Variants in SGK1 observed in about 807,000 individuals in gnomAD.
The protein encoded by SGK1 is serum/glucocorticoid regulated kinase 1.
SGK1 carries 26 observed loss-of-function variants against 64.2 expected under a neutral mutation model. The observed-to-expected ratio is 0.40, with a 90% CI of 0.30 to 0.56. The LOEUF (loss-of-function observed/expected upper bound fraction) is 0.56. SGK1 is among the 20% of genes least tolerant of loss of function. The pLI, the probability that SGK1 is intolerant of heterozygous loss-of-function variation, is 0.38. For synonymous variants in SGK1, 265 were observed against 239.7 expected, an observed-to-expected ratio of 1.11 and a Z score of -0.98; for missense variants, 519 against 645.6, an observed-to-expected ratio of 0.80 and a Z score of 2.12.
chr6:134,206,383 A>ATTTT lies in SGK1; in HGVS notation c.361+969_361+972dup, dbSNP rs869072819. Among the ~76,000 whole-genome samples the ATTTT allele has an allele frequency of 6.8e-3, 113 of 16,526 alleles. 3 individuals are homozygous for ATTTT. Among genetic ancestry groups the ATTTT allele is most frequent in the East Asian group, 0.03 (11 of 370 alleles). The allele number at this position is 16,526 out of a possible 152,430, so 10.8% of individuals were successfully genotyped here. ...TATATATATATATATATATATATATATTTTTTTTTTTTTTTTTTTTTTTTA... is the reference window on the plus strand; with the variant it reads ...TATATATATATATATATATATATATATTTTTTTTTTTTTTTTTTTTTTTTTTTTA... On this transcript the variant is annotated intron_variant, in intron 3 of 13. Coordinates refer to ENST00000367858, the MANE Select transcript of SGK1 (RefSeq NM_001143676.3).
intron 1 of SGK1, chr6:134,298,313 G>A: frequency 1.3e-6 from 2 of 1,569,528 alleles, no homozygotes; most frequent in Non-Finnish European, 1.7e-6. Flanking sequence ...GCTGTCTTCT[G>A]CTGCTGCAGG....
At position 134,198,422 on chromosome 6, in the gene SGK1, T is replaced by A. The variant is rs184269143; in HGVS notation, c.361+8934A>T. ...TCTCTTTTGTTAGATAATGCCATAC[T>A]TCGGCAGACAAGCAATTGTTTTCTA... On this transcript the variant is annotated intron_variant, in intron 3 of 13. Coordinates refer to ENST00000367858, the MANE Select transcript of SGK1 (RefSeq NM_001143676.3). Among the ~76,000 whole-genome samples, 100 of 152,336 alleles carry A rather than the reference T, an allele frequency of 6.6e-4. No homozygotes were observed. The Middle Eastern group carries it at 0.01, about 16-fold the overall frequency.
chr6:134,208,951 G>A (rs1286314782), intron 2 of SGK1, among the ~76,000 whole-genome samples: 1 of 149,672 alleles, frequency 6.7e-6, no homozygotes, highest in East Asian at 2.0e-4. Context: ...TTTTCCTCTC[G>A]ATAGATACAC....
At chr6:134,228,629 T>C (rs1776225308) in intron 2 of SGK1, among the ~76,000 whole-genome samples, 1 of 152,188 alleles carries the variant, frequency 6.6e-6, no homozygotes, top group South Asian at 2.1e-4. Context: ...AGTCGATCAG[T>C]GGAGACTTGT....
intron 1 of SGK1, among the ~76,000 whole-genome samples, chr6:134,265,830 T>A (rs893917676): frequency 3.0e-4 from 46 of 151,026 alleles, no homozygotes; most frequent in African/African-American, 1.1e-3. Context: ...AAAAATAGAG[T>A]CTCACCATGT....
intron 3 of SGK1, among the ~76,000 whole-genome samples, chr6:134,184,539 C>T (rs562511255): frequency 9.2e-4 from 139 of 150,394 alleles, no homozygotes; most frequent in African/African-American, 3.3e-3. Flanking sequence ...ATCACAGTGA[C>T]GCAGTGGACC....
chr6:134,227,183 G>A (rs1027151203), intron 2 of SGK1, among the ~76,000 whole-genome samples: 1 of 151,866 alleles, frequency 6.6e-6, no homozygotes, highest in African/African-American at 2.4e-5. Flanking sequence ...CACCCAGGCT[G>A]GAGTACAGTG....
chr6:134,191,681 T>G (rs1013206613), intron 3 of SGK1, among the ~76,000 whole-genome samples: 12 of 151,780 alleles, frequency 7.9e-5, no homozygotes, highest in Non-Finnish European at 1.8e-4. Flanking sequence ...TTGTTTTTTT[T>G]TTTTTGAGAC....
chr6:134,237,431 T>C (rs1776382072), intron 2 of SGK1, among the ~76,000 whole-genome samples: 1 of 152,058 alleles, frequency 6.6e-6, no homozygotes, highest in African/African-American at 2.4e-5. Context: ...ATCCCAGCAC[T>C]TTGGGAGGCC....
At position 134,173,999 on chromosome 6, in the gene SGK1, A is replaced by G; in HGVS notation, c.513+6T>C. ...CCACAGATGCACGGCACATACAAAA[A>G]CTTACTGGAGGAGAAGGGTTGGCAT... On this transcript the variant is annotated splice_donor_region_variant and intron_variant, in intron 5 of 13. Coordinates refer to ENST00000367858, the MANE Select transcript of SGK1 (RefSeq NM_001143676.3). The G allele has an allele frequency of 1.2e-6, 2 of 1,608,110 alleles. No homozygotes were observed. The highest frequency in any genetic ancestry group is 1.7e-6 in the Non-Finnish European group (2 of 1,175,400).
chr6:134,285,425 C>T (rs1405195499), intron 1 of SGK1, among the ~76,000 whole-genome samples: 2 of 147,594 alleles, frequency 1.4e-5, no homozygotes, highest in Non-Finnish European at 3.0e-5. Context: ...TTGCAGCGAG[C>T]TGAGATCCTG....
intron 1 of SGK1, among the ~76,000 whole-genome samples, chr6:134,296,374 C>T (rs143231484): frequency 1.5e-3 from 231 of 152,266 alleles, no homozygotes; most frequent in Admixed American, 4.2e-3. Context: ...CTGGTTCAAG[C>T]AATCCTCTCA....
rs895488424 is a variant in SGK1, at chr6:134,173,846, G to A, written c.513+159C>T. The stretch of plus-strand genomic sequence containing the variant: ...CAGGAAAAAAATAAAATAATACTCT[G>A]ACTCAATACTTAAATATTTATATCA... On this transcript the variant is annotated intron_variant, in intron 5 of 13. Transcript: ENST00000367858. 5 of 628,590 alleles carry A rather than the reference G, an allele frequency of 8.0e-6. No individual in the cohort carries two copies. The African/African-American group carries it at 9.3e-5, about 12-fold the overall frequency. 38.9% of individuals were successfully genotyped at this position (628,590 alleles called of 1,614,324 possible).
rs189677581 is a variant in SGK1 at position 134,267,180 on chromosome 6, T to A, written c.70-5032A>T. ...ATGGCCAACAAAATAAAATTTTTTT[T>A]AAATATTCTTTTTTCATGTTATTTT... On this transcript the variant is annotated intron_variant, in intron 1 of 13. Coordinates refer to ENST00000367858, the MANE Select transcript of SGK1 (RefSeq NM_001143676.3). Among the ~76,000 whole-genome samples the A allele has an allele frequency of 4.1e-3, 630 of 152,250 alleles. 8 individuals carry two copies. The highest frequency in any genetic ancestry group is 0.025 in the East Asian group (130 of 5,194).
rs1269252265 is a variant in SGK1, at chr6:134,169,532, A to C, written c.*736T>G. On this transcript the variant is annotated 3_prime_UTR_variant, in exon 14 of 14. Transcript: ENST00000367858. ...CAGGTGACATTTTAAACAATGAAAAACACCAACGGCTCTGACTGACAACTG... is the reference window on the plus strand; with the variant it reads ...CAGGTGACATTTTAAACAATGAAAACCACCAACGGCTCTGACTGACAACTG... 1 of 152,748 alleles carries C rather than the reference A, an allele frequency of 6.5e-6. No homozygotes were observed. The highest frequency in any genetic ancestry group is 2.4e-5 in the African/African-American group (1 of 41,568). The allele number at this position is 152,748 out of a possible 1,614,324, so 9.5% of individuals were successfully genotyped here. A position where few individuals can be genotyped will look rare whatever the true frequency, so the allele number is the denominator to read the frequency against.
rs1425235218 is a variant in SGK1 at position 134,260,843 on chromosome 6, C to T, written c.285+1090G>A. On this transcript the variant is annotated intron_variant, in intron 2 of 13. Coordinates refer to ENST00000367858, the MANE Select transcript of SGK1 (RefSeq NM_001143676.3). ...CCTTGCTAAAAATAAAAAAGGTGAG[C>T]GGTTATTAACGTTTATCATTCTATG... The T allele has an allele frequency of 3.3e-5, 5 of 152,078 alleles. No individual in the cohort carries two copies. In the South Asian group the frequency reaches 6.2e-4, roughly 19 times the overall value. 9.4% of individuals were successfully genotyped at this position (152,078 alleles called of 1,614,324 possible). A position where few individuals can be genotyped will look rare whatever the true frequency, so the allele number is the denominator to read the frequency against.
chr6:134,261,675 T>C, intron 2 of SGK1: 1 of 593,596 alleles, frequency 1.7e-6, no homozygotes, highest in Non-Finnish European at 3.0e-6. Context: ...TATACGTGCA[T>C]GGGGACAAGC....
intron 1 of SGK1, among the ~76,000 whole-genome samples, chr6:134,276,647 G>A (rs1777021417): frequency 6.6e-6 from 1 of 152,122 alleles, no homozygotes; most frequent in Non-Finnish European, 1.5e-5. Flanking sequence ...TCCTAGGTTA[G>A]AGGAATAAGC....
At chr6:134,317,044 C>A (rs1048182858) in intron 1 of SGK1, among the ~76,000 whole-genome samples, 121 of 152,122 alleles carry the variant, frequency 8.0e-4, no homozygotes, top group African/African-American at 2.8e-3. Context: ...GCTAAATTAG[C>A]CCCTGACTAA....
Sources: gnomAD v4.1 joint callset for allele counts (sites outside exome capture counted in the v4.1 genomes callset) on GRCh38, gnomAD v4.1.1 for gene constraint, MANE v1.5 for transcripts, NCBI Gene and HGNC (gene_info 2026-07-23, HGNC 2026-07-21) for gene names.